Variants in ARFGEF1 observed in about 807,000 individuals in gnomAD.
ARFGEF1 encodes ARF guanine nucleotide exchange factor 1.
ARFGEF1 carries 42 observed loss-of-function variants against 231.0 expected under a neutral mutation model. That is an observed-to-expected ratio of 0.18 (90% confidence interval 0.14 to 0.24). The LOEUF (loss-of-function observed/expected upper bound fraction) is 0.24. ARFGEF1 is among the 10% of genes least tolerant of loss of function. ARFGEF1 has a pLI of 1.00. For synonymous variants in ARFGEF1, 710 were observed against 732.3 expected, an observed-to-expected ratio of 0.97 and a Z score of 0.49; for missense variants, 1,345 against 2,192.0, an observed-to-expected ratio of 0.61 and a Z score of 7.72.
chr8:67,196,493 C>G (rs1837964010), downstream of ARFGEF1, among the ~76,000 whole-genome samples: 1 of 152,174 alleles, frequency 6.6e-6, no homozygotes, highest in African/African-American at 2.4e-5. Context: ...ATCTCAGAAC[C>G]ATGACAGCTG....
chr8:67,283,922 T>C (rs1805642373), intron 7 of ARFGEF1, among the ~76,000 whole-genome samples: 1 of 152,170 alleles, frequency 6.6e-6, no homozygotes, highest in African/African-American at 2.4e-5. Context: ...AATTTAGCAA[T>C]AGCTAACAGA....
At chr8:67,315,790 T>A (rs1257059509) in intron 1 of ARFGEF1, among the ~76,000 whole-genome samples, 1 of 151,962 alleles carries the variant, frequency 6.6e-6, no homozygotes, top group African/African-American at 2.4e-5. Flanking sequence ...TCAATAAAAA[T>A]AAAAATATAA....
At chr8:67,314,436 A>G (rs1423703600) in intron 1 of ARFGEF1, among the ~76,000 whole-genome samples, 9 of 152,178 alleles carry the variant, frequency 5.9e-5, no homozygotes. Flanking sequence ...GCAAGCTCCC[A>G]GGGCCTTTCT....
At chr8:67,242,107 T>C (rs1587117766) in intron 19 of ARFGEF1, among the ~76,000 whole-genome samples, 1 of 152,306 alleles carries the variant, frequency 6.6e-6, no homozygotes, top group East Asian at 1.9e-4. Context: ...TAAAATGTTC[T>C]GGGGCCCTAA....
intron 33 of ARFGEF1, among the ~76,000 whole-genome samples, chr8:67,213,778 TC>T (rs1391337492): frequency 6.6e-6 from 1 of 152,124 alleles, no homozygotes; most frequent in Non-Finnish European, 1.5e-5. Context: ...GGGGAAGAAA[TC>T]CCGCCTGTGA....
intron 33 of ARFGEF1, among the ~76,000 whole-genome samples, chr8:67,213,939 T>TA (rs1838836810): frequency 6.6e-6 from 1 of 152,162 alleles, no homozygotes; most frequent in Non-Finnish European, 1.5e-5. Flanking sequence ...CTGGCCCTGA[T>TA]AAAGATTTTG....
intron 33 of ARFGEF1, among the ~76,000 whole-genome samples, chr8:67,216,260 A>T (rs1838927786): frequency 6.6e-6 from 1 of 152,140 alleles, no homozygotes; most frequent in African/African-American, 2.4e-5. Flanking sequence ...AGATTTTAGG[A>T]GGTGAGTAGG....
intron 5 of ARFGEF1, among the ~76,000 whole-genome samples, chr8:67,192,084 T>G (rs898470843): frequency 4.0e-5 from 6 of 151,110 alleles, no homozygotes; most frequent in Non-Finnish European, 8.8e-5. Flanking sequence ...TTTTGTTTTT[T>G]TTTTTTGATA....
intron 5 of ARFGEF1, among the ~76,000 whole-genome samples, chr8:67,184,943 C>CAAAAA (rs796384901): frequency 1.8e-4 from 10 of 56,074 alleles, no homozygotes; most frequent in East Asian, 7.0e-4. Flanking sequence ...ACTAAAAATA[C>CAAAAA]AAAAAAAAAA....
At position 67,292,091 on chromosome 8, in the gene ARFGEF1, C is replaced by A. The variant is rs1409556340; in HGVS notation, c.672G>T (p.Arg224Ser). 5 of 1,613,164 alleles carry A rather than the reference C, an allele frequency of 3.1e-6. No individual in the cohort carries two copies. Among genetic ancestry groups the A allele is most frequent in the Admixed American group, 1.7e-5 (1 of 59,920 alleles). Residue 224 changes from arginine (R) to serine (S), a missense_variant, in exon 6 of 39, where the codon AGG (arginine) becomes AGT (serine). Coordinates refer to ENST00000262215, the MANE Select transcript of ARFGEF1 (RefSeq NM_006421.5). Reference sequence around the variant, plus strand: ...GTAACAGATGATGATGCTGCCGATGCCTTTCTTTTTCCATTTGTTTTGCTT... The same window carrying A: ...GTAACAGATGATGATGCTGCCGATGACTTTCTTTTTCCATTTGTTTTGCTT... ...LQEAKQMEKERHRQHHHLLQS... is the reference protein window; with the variant it reads ...LQEAKQMEKESHRQHHHLLQS...
chr8:67,248,817 C>T lies in ARFGEF1; in HGVS notation c.2850+2482G>A, dbSNP rs886719097. ...TTCATACCTAGTAAACAATTTAGGA[C>T]GGTCATGCCTGCTTACAGGTGTTGT... On this transcript the variant is annotated intron_variant, in intron 19 of 38. Transcript: ENST00000262215. 8.0e-5 allele frequency among the ~76,000 whole-genome samples: 12 copies of T among 150,398 alleles called. 2 individuals carry two copies. The highest frequency in any genetic ancestry group is 1.3e-4 in the Non-Finnish European group (9 of 67,802).
intron 29 of ARFGEF1, among the ~76,000 whole-genome samples, chr8:67,222,857 A>T (rs1374689440): frequency 6.6e-6 from 1 of 152,210 alleles, no homozygotes; most frequent in Non-Finnish European, 1.5e-5. Flanking sequence ...AAATGCTGAG[A>T]TTACAGGCGT....
intron 5 of ARFGEF1, among the ~76,000 whole-genome samples, chr8:67,184,715 TTCTG>T (rs1337893364): frequency 2.1e-5 from 3 of 145,122 alleles, no homozygotes; most frequent in Admixed American, 6.9e-5. Context: ...CAGAGTGAGA[TTCTG>T]TCTAAAAAAA....
intron 1 of ARFGEF1, among the ~76,000 whole-genome samples, chr8:67,311,838 C>T (rs574787659): frequency 2.6e-5 from 4 of 152,244 alleles, no homozygotes; most frequent in South Asian, 2.1e-4. Context: ...GGATGGTTGC[C>T]GTGTCTGTGT....
intron 6 of ARFGEF1, among the ~76,000 whole-genome samples, chr8:67,288,912 G>A: frequency 6.7e-6 from 1 of 150,070 alleles, no homozygotes; most frequent in Admixed American, 6.6e-5. Flanking sequence ...AATTTAAGAA[G>A]CTAAAAAAGA....
intron 23 of ARFGEF1, among the ~76,000 whole-genome samples, 168 bp downstream of exon 23, chr8:67,232,687 A>G (rs1839593636): frequency 6.6e-6 from 1 of 152,048 alleles, no homozygotes; most frequent in Non-Finnish European, 1.5e-5. Context: ...TGATCCAAAA[A>G]GCAAAATTAT....
intron 5 of ARFGEF1, among the ~76,000 whole-genome samples, chr8:67,296,013 C>T (rs1400175438): frequency 6.6e-6 from 1 of 152,100 alleles, no homozygotes; most frequent in African/African-American, 2.4e-5. Flanking sequence ...GAATATCATG[C>T]CCCTTTATCA....
At chr8:67,199,295 A>C (rs1838228021) in intron 38 of ARFGEF1, 197 bp from the exon 39 acceptor site, 1 of 523,376 alleles carries the variant, frequency 1.9e-6, no homozygotes, top group Non-Finnish European at 3.2e-6. Flanking sequence ...ATTCACTTAC[A>C]TATCCTTATT....
At chr8:67,192,283 C>G (rs1359631661) in intron 5 of ARFGEF1, among the ~76,000 whole-genome samples, 1 of 152,096 alleles carries the variant, frequency 6.6e-6, no homozygotes, top group East Asian at 1.9e-4. Flanking sequence ...CCATGTTGGC[C>G]AGGCTGGTCT....
Sources: allele counts gnomAD v4.1 joint callset (sites outside exome capture counted in the v4.1 genomes callset), GRCh38; gene constraint gnomAD v4.1.1; transcripts MANE v1.5; gene names NCBI Gene and HGNC (gene_info 2026-07-23, HGNC 2026-07-21).